AKAP12: variants seen among roughly 807,000 people sequenced by gnomAD.
AKAP12 encodes the protein A-kinase anchoring protein 12.
A neutral mutation model predicts 79.9 loss-of-function variants in AKAP12; 32 were observed. That is an observed-to-expected ratio of 0.40 (90% CI 0.30 to 0.54). The LOEUF is 0.54. Ranked by LOEUF, AKAP12 falls within the 20% of genes least tolerant of loss-of-function variation. The pLI is 0.48. For synonymous variants in AKAP12, 808 were observed against 857.0 expected (o/e 0.94, Z 1.00); for missense variants, 2,074 against 2,177.0 (o/e 0.95, Z 0.94).
intron 3 of AKAP12, among the ~76,000 whole-genome samples, chr6:151,342,154 G>A (rs756009): frequency 0.2 from 30,111 of 152,280 alleles, 5,545 homozygotes; most frequent in African/African-American, 0.49. Flanking sequence ...AGGATTTAGC[G>A]AAGTTGCCCT....
At chr6:151,324,697 A>C (rs762503777) in intron 3 of AKAP12, 5 of 985,334 alleles carry the variant, frequency 5.1e-6, no homozygotes, top group African/African-American at 1.7e-5. Context: ...AAATAGGGAA[A>C]GGATGAAAGA....
In AKAP12 at chr6:151,350,018, G is replaced by C; in HGVS notation, c.1627G>C (p.Glu543Gln). ...QKGKRGGGDE[E>Q]SGEHTQVPAD... ...AGGGAAAAGAGGAGGAGGAGACGAGGAATCAGGGGAGCACACTCAGGTTCC... is the reference window on the plus strand; with the variant it reads ...AGGGAAAAGAGGAGGAGGAGACGAGCAATCAGGGGAGCACACTCAGGTTCC... The change falls in exon 4 of 5, where the codon GAA (glutamate) becomes CAA (glutamine). Residue 543 changes from glutamate to glutamine, a missense_variant. Physicochemically the swap from Glu to Gln is conservative, Grantham distance 29. Transcript: ENST00000402676. The surrounding 1 kb of genome is among the most constrained non-coding windows in gnomAD (Gnocchi z 4.8). 1 of 1,614,136 alleles carries C rather than the reference G, an allele frequency of 6.2e-7. No homozygotes were observed. The highest frequency in any genetic ancestry group is 8.5e-7 in the Non-Finnish European group (1 of 1,180,040).
rs1208071111 is a variant in AKAP12, at chr6:151,358,324, T to C, written c.*2610T>C. The C allele has an allele frequency of 3.9e-5, 6 of 152,222 alleles. No homozygotes were observed. The highest frequency in any genetic ancestry group is 1.4e-4 in the African/African-American group (6 of 41,462). The allele number at this position is 152,222 out of a possible 1,614,324, so 9.4% of individuals were successfully genotyped here. On this transcript the variant is annotated 3_prime_UTR_variant, in exon 5 of 5. Transcript: ENST00000402676. ...GTTCCCCCTCAGGTTATTTTGCTTA[T>C]GGTACCCATGAGTTGCCTCTCTCTG...
At chr6:151,302,196 G>C (rs1237564398) in intron 2 of AKAP12, among the ~76,000 whole-genome samples, 1 of 151,964 alleles carries the variant, frequency 6.6e-6, no homozygotes, top group Non-Finnish European at 1.5e-5. Context: ...ATTTTTAGTA[G>C]AGACGGGGTT....
In AKAP12 at chr6:151,280,797, C is replaced by T. The variant is rs868119384; in HGVS notation, c.163-24950C>T. 1.2e-4 allele frequency among the ~76,000 whole-genome samples: 18 copies of T among 152,048 alleles called. 1 individual carries two copies. The South Asian group carries it at 3.5e-3, about 30-fold the overall frequency. On this transcript the variant is annotated intron_variant, in intron 2 of 4. Transcript: ENST00000402676. Reference sequence around the variant, plus strand: ...CTAGGACTACAGTTGTAGGCCATCACGCCCAGCTCTTTTCTTTTTGAAAAT... The same window carrying T: ...CTAGGACTACAGTTGTAGGCCATCATGCCCAGCTCTTTTCTTTTTGAAAAT...
rs1778487819 is a variant in AKAP12, at chr6:151,358,120, A to T, written c.*2406A>T. The T allele has an allele frequency of 6.6e-6, 1 of 152,234 alleles. No homozygotes were observed. The highest frequency in any genetic ancestry group is 1.5e-5 in the Non-Finnish European group (1 of 68,050). The allele number at this position is 152,234 out of a possible 1,614,324, so 9.4% of individuals were successfully genotyped here. On this transcript the variant is annotated 3_prime_UTR_variant, in exon 5 of 5. Transcript: ENST00000402676. ...AACACCAACAGTAGCATGAAATATA[A>T]TACTGTTTTATAATTCTAAAGCTGC...
rs570644291 is a variant in AKAP12 at position 151,338,306 on chromosome 6, G to A, written c.320-10405G>A. Among the ~76,000 whole-genome samples the A allele has an allele frequency of 2.7e-4, 41 of 152,150 alleles. 1 individual carries two copies. The highest frequency in any genetic ancestry group is 4.1e-4 in the Non-Finnish European group (28 of 67,994). On this transcript the variant is annotated intron_variant, in intron 3 of 4. Transcript: ENST00000402676. ...CTAGGGTCAGAGATTTTGTGTTGTC[G>A]TGTCTTTTTAGCTTCTTTTAATCTG...
intron 3 of AKAP12, among the ~76,000 whole-genome samples, chr6:151,318,365 G>C (rs1371057366): frequency 6.6e-6 from 1 of 152,170 alleles, no homozygotes; most frequent in East Asian, 1.9e-4. Flanking sequence ...CAAAAAGTAT[G>C]ATGTCTTCTC....
intron 3 of AKAP12, chr6:151,325,514 C>T (rs1296347042): frequency 2.0e-6 from 2 of 985,316 alleles, no homozygotes; most frequent in African/African-American, 3.5e-5. Context: ...TAAGGTGAAG[C>T]ACGTGACCCC....
intron 3 of AKAP12, chr6:151,324,423 T>C (rs530240173): frequency 1.0e-6 from 1 of 985,288 alleles, no homozygotes; most frequent in Non-Finnish European, 1.2e-6. Flanking sequence ...CGCCCCCTGG[T>C]GCCCAAAAAG....
chr6:151,332,038 T>G (rs1158679780), intron 3 of AKAP12, among the ~76,000 whole-genome samples: 2 of 141,964 alleles, frequency 1.4e-5, no homozygotes, highest in Non-Finnish European at 3.1e-5. Flanking sequence ...GGTCTGTTTT[T>G]TTTTTTTTTT....
At chr6:151,279,269 G>A (rs1281613969) in intron 2 of AKAP12, among the ~76,000 whole-genome samples, 2 of 152,030 alleles carry the variant, frequency 1.3e-5, no homozygotes, top group Non-Finnish European at 2.9e-5. Context: ...AAGAAAGTAG[G>A]GATAGAGAAG....
At chr6:151,310,642 TG>T (rs1442102075) in intron 3 of AKAP12, among the ~76,000 whole-genome samples, 1 of 152,212 alleles carries the variant, frequency 6.6e-6, no homozygotes, top group Non-Finnish European at 1.5e-5. Flanking sequence ...GTTAGGCAGA[TG>T]ATTTTTTTTT....
At chr6:151,305,559 A>T (rs1776960494) in intron 2 of AKAP12, among the ~76,000 whole-genome samples, 188 bp from the exon 3 acceptor site, 1 of 152,184 alleles carries the variant, frequency 6.6e-6, no homozygotes, top group Non-Finnish European at 1.5e-5. Flanking sequence ...CCCAGATACA[A>T]GGCCCTATCT....
intron 3 of AKAP12, among the ~76,000 whole-genome samples, chr6:151,312,504 G>T (rs781625933): frequency 6.6e-6 from 1 of 150,518 alleles, no homozygotes; most frequent in Admixed American, 6.6e-5. Context: ...TAAGAATCAT[G>T]AGGACGGCCG....
chr6:151,335,574 C>G (rs903961479), intron 3 of AKAP12, among the ~76,000 whole-genome samples: 1 of 152,172 alleles, frequency 6.6e-6, no homozygotes, highest in Non-Finnish European at 1.5e-5. Context: ...AAAGTTCAAG[C>G]AATCCTCCTG....
chr6:151,297,971 TCCC>T (rs1052485526), intron 2 of AKAP12, among the ~76,000 whole-genome samples: 1 of 152,070 alleles, frequency 6.6e-6, no homozygotes, highest in Non-Finnish European at 1.5e-5. Context: ...AAAGAGAATT[TCCC>T]CCAATACGGT....
chr6:151,264,043 T>A (rs1309151576), intron 2 of AKAP12, among the ~76,000 whole-genome samples: 1 of 152,138 alleles, frequency 6.6e-6, no homozygotes, highest in Non-Finnish European at 1.5e-5. Flanking sequence ...TCCCTGTCAA[T>A]GCACTCTCCA....
intron 3 of AKAP12, among the ~76,000 whole-genome samples, chr6:151,337,929 C>T (rs1337559502): frequency 2.6e-5 from 4 of 152,072 alleles, no homozygotes; most frequent in Admixed American, 6.5e-5. Flanking sequence ...CCCAGCTACT[C>T]GGGAGGCTGA....
Sources: allele counts gnomAD v4.1 joint callset (sites outside exome capture counted in the v4.1 genomes callset), GRCh38; gene constraint gnomAD v4.1.1; non-coding constraint Gnocchi (gnomAD v3.1); transcripts MANE v1.5; gene names NCBI Gene and HGNC (gene_info 2026-07-23, HGNC 2026-07-21).